DHRS7: variants seen among roughly 807,000 people sequenced by gnomAD.
DHRS7 encodes the protein dehydrogenase/reductase 7.
Under a neutral mutation model 38.9 loss-of-function variants are expected in DHRS7, and 34 were observed. The ratio of observed to expected loss-of-function variants is 0.87; its 90% CI spans 0.66 to 1.16. The LOEUF is 1.16. Ranked by LOEUF, DHRS7 falls within the 50% of genes most tolerant of loss-of-function variation. DHRS7 has a pLI of 0.00. For synonymous variants in DHRS7, 158 were observed against 153.1 expected (o/e 1.03, Z -0.24); for missense variants, 421 against 407.0 (o/e 1.03, Z -0.30).
At chr14:60,166,171 A>G, upstream of DHRS7, 1 of 959,326 alleles carries the variant, frequency 1.0e-6, no homozygotes. Context: ...ATGACCTTCA[A>G]AACATTTAAT....
rs377273628 is a variant in DHRS7, at chr14:60,165,140, G to T, written c.133+37C>A. On this transcript the variant is annotated intron_variant, in intron 1 of 6. Transcript: ENST00000557185. The surrounding 1 kb of genome is among the most constrained non-coding windows in gnomAD (Gnocchi z 4.6). ...GACACGCCTCGGCAGCTCCGAGCCC[G>T]GCCTCCCACTCGGGAGAGGCTTTGG... The T allele has an allele frequency of 2.5e-6, 4 of 1,607,488 alleles. No individual in the cohort carries two copies. Among genetic ancestry groups the T allele is most frequent in the African/African-American group, 1.3e-5 (1 of 74,820 alleles).
Position 60,153,879 on chromosome 14 carries a change from TTGTA to T in DHRS7, c.393+76_393+79del. The T allele has an allele frequency of 7.5e-7, 1 of 1,340,914 alleles. No homozygotes were observed. The highest frequency in any genetic ancestry group is 1.1e-6 in the Non-Finnish European group (1 of 936,130). 83.1% of individuals were successfully genotyped at this position (1,340,914 alleles called of 1,614,324 possible). On this transcript the variant is annotated intron_variant, in intron 3 of 6. Transcript: ENST00000557185. This position sits in a 1 kb window ranked among gnomAD's most constrained non-coding sequence, Gnocchi z 4.4. ...ATGGACCCCACTTGCCTAAAGCCCT[TTGTA>T]TGACAGCACCACGGATGGGAATCTC... is the stretch of plus-strand genomic sequence containing the variant.
Position 60,153,161 on chromosome 14 carries a change from GT to G in DHRS7, c.410del (p.Asn137ThrfsTer22). The G allele has an allele frequency of 6.2e-7, 1 of 1,614,092 alleles. No individual in the cohort carries two copies. Among genetic ancestry groups the G allele is most frequent in the Middle Eastern group, 1.6e-4 (1 of 6,062 alleles). On this transcript the variant is annotated frameshift_variant, in exon 4 of 7. Transcript: ENST00000557185. LOFTEE classifies it high-confidence loss of function. The surrounding 1 kb of genome is among the most constrained non-coding windows in gnomAD (Gnocchi z 4.4). Reference sequence around the variant, plus strand: ...GAGAACGCTGGGACATTCCACCATTGTTGACCAGAATGTCGATCTAGTTAAA... The same window carrying G: ...GAGAACGCTGGGACATTCCACCATTGTGACCAGAATGTCGATCTAGTTAAA... Reference protein sequence around the residue: ...QEFGRIDILVNNGGMSQRSLC... With the variant: ...QEFGRIDILVXNGGMSQRSLC...
upstream of DHRS7, chr14:60,168,836 C>T: frequency 6.9e-7 from 1 of 1,447,950 alleles, no homozygotes; most frequent in Non-Finnish European, 9.3e-7. Flanking sequence ...TTTCACTCTT[C>T]ATAAACCAAA....
chr14:60,165,359 G>A lies in DHRS7; in HGVS notation c.-50C>T, dbSNP rs1241771431. On this transcript the variant is annotated 5_prime_UTR_variant, in exon 1 of 7. Coordinates refer to ENST00000557185, the MANE Select transcript of DHRS7 (RefSeq NM_016029.4). The surrounding 1 kb of genome is among the most constrained non-coding windows in gnomAD (Gnocchi z 4.6). The stretch of plus-strand genomic sequence containing the variant: ...GGGGAAGAAGACGGCCCGCACCAGA[G>A]TCGCGTCGCTGCCCTGCGGGATCGC... 6.5e-7 allele frequency: 1 copy of A among 1,540,454 alleles called. No individual in the cohort carries two copies. Among genetic ancestry groups the A allele is most frequent in the Admixed American group, 1.9e-5 (1 of 51,692 alleles).
At chr14:60,147,145 A>C (rs1445116094) in intron 6 of DHRS7, 1 of 152,050 alleles carries the variant, frequency 6.6e-6, no homozygotes, top group East Asian at 1.9e-4. Flanking sequence ...GGGTGGGAGG[A>C]TTGCTTGAGC....
intron 2 of DHRS7, among the ~76,000 whole-genome samples, chr14:60,154,804 G>T (rs142843764): frequency 2.0e-5 from 3 of 152,318 alleles, no homozygotes; most frequent in Admixed American, 6.5e-5. Flanking sequence ...AAACAGCCTT[G>T]TGCCAGGTAA....
At chr14:60,168,492 G>C (rs1439184694), upstream of DHRS7, among the ~76,000 whole-genome samples, 2 of 152,144 alleles carry the variant, frequency 1.3e-5, no homozygotes, top group African/African-American at 4.8e-5. Flanking sequence ...CTAAAATTAT[G>C]TAAAATTTAC....
chr14:60,165,266 A>T lies in DHRS7; in HGVS notation c.44T>A (p.Leu15Gln). The T allele has an allele frequency of 6.2e-7, 1 of 1,603,688 alleles. No homozygotes were observed. The highest frequency in any genetic ancestry group is 2.2e-5 in the East Asian group (1 of 44,576). ...LLLWLLVLCALLLLLVQLLRF... is the reference protein window; with the variant it reads ...LLLWLLVLCAQLLLLVQLLRF... ...CAGCAGCTGCACCAAGAGCAGGAGC[A>T]GCGCGCACAGCACCAGCAGCCACAG... Residue 15 changes from leucine to glutamine, a missense_variant, in exon 1 of 7, where the codon CTG becomes CAG. By Grantham distance (113) the Leu-to-Gln change is moderately radical. Coordinates refer to ENST00000557185, the MANE Select transcript of DHRS7 (RefSeq NM_016029.4). The surrounding 1 kb of genome is among the most constrained non-coding windows in gnomAD (Gnocchi z 4.6).
intron 1 of DHRS7, among the ~76,000 whole-genome samples, chr14:60,157,653 A>G (rs1896684749): frequency 6.6e-6 from 1 of 152,200 alleles, no homozygotes; most frequent in Non-Finnish European, 1.5e-5. Flanking sequence ...CCACTAGACC[A>G]TAGATTCCAT....
In DHRS7 at chr14:60,154,027, G is replaced by A. The variant is rs375832095; in HGVS notation, c.325C>T (p.Pro109Ser). Residue 109 changes from proline to serine, a missense_variant, in exon 3 of 7, where the codon CCC becomes TCC. Pro to Ser is a moderately conservative substitution (Grantham distance 74). Coordinates refer to ENST00000557185, the MANE Select transcript of DHRS7 (RefSeq NM_016029.4). ...NLKEKDILVL[P>S]LDLTDTGSHE... is the part of the protein sequence containing the mutation. The stretch of plus-strand genomic sequence containing the variant: ...GAACCAGTGTCGGTCAGGTCAAGGG[G>A]CAAAACAAGTATATCTTTTTCTTTT... 8.7e-6 allele frequency: 14 copies of A among 1,613,988 alleles called. No individual in the cohort carries two copies. The highest frequency in any genetic ancestry group is 1.0e-5 in the Non-Finnish European group (12 of 1,179,912).
At chr14:60,147,659 A>C (rs990277539) in intron 6 of DHRS7, 7 of 152,204 alleles carry the variant, frequency 4.6e-5, no homozygotes, top group Non-Finnish European at 1.0e-4. Context: ...AAATTCATGT[A>C]ATTCCCATAA....
intron 1 of DHRS7, among the ~76,000 whole-genome samples, chr14:60,164,460 T>G (rs1023769426): frequency 7.2e-5 from 11 of 152,278 alleles, no homozygotes; most frequent in African/African-American, 2.6e-4. Flanking sequence ...AAAATAAGAT[T>G]AATAATGCCT....
chr14:60,164,378 A>T (rs1210360489), intron 1 of DHRS7, among the ~76,000 whole-genome samples: 1 of 152,040 alleles, frequency 6.6e-6, no homozygotes, highest in Non-Finnish European at 1.5e-5. Context: ...CATTTCCCCA[A>T]GTCCTTAAGG....
intron 1 of DHRS7, among the ~76,000 whole-genome samples, chr14:60,163,641 CT>C (rs953048093): frequency 3.9e-5 from 6 of 152,130 alleles, no homozygotes; most frequent in African/African-American, 1.4e-4. Context: ...TTTCAATGAT[CT>C]TAACTTTTAA....
At chr14:60,151,037 A>G (rs1191504591) in intron 4 of DHRS7, among the ~76,000 whole-genome samples, 3 of 152,342 alleles carry the variant, frequency 2.0e-5, no homozygotes, top group Non-Finnish European at 4.4e-5. Flanking sequence ...AAAGTAGTCT[A>G]AAGTGCAAAT....
At chr14:60,168,889 C>G, upstream of DHRS7, 1 of 1,079,560 alleles carries the variant, frequency 9.3e-7, no homozygotes, top group Non-Finnish European at 1.3e-6. Flanking sequence ...AACACTTAGG[C>G]ATTGAAAGTG....
intron 2 of DHRS7, among the ~76,000 whole-genome samples, chr14:60,154,467 C>T (rs1896616783): frequency 6.6e-6 from 1 of 152,050 alleles, no homozygotes; most frequent in South Asian, 2.1e-4. Flanking sequence ...CAGTAAGAAG[C>T]TCAGAGTCCT....
chr14:60,167,561 A>C (rs1896883488), upstream of DHRS7, among the ~76,000 whole-genome samples: 1 of 152,270 alleles, frequency 6.6e-6, no homozygotes, highest in Non-Finnish European at 1.5e-5. Context: ...AGGTCAGCTA[A>C]GATGAAGGCA....
Sources: gnomAD v4.1 joint callset for allele counts (sites outside exome capture counted in the v4.1 genomes callset) on GRCh38, gnomAD v4.1.1 for gene constraint, Gnocchi (gnomAD v3.1) non-coding constraint, MANE v1.5 for transcripts, NCBI Gene and HGNC (gene_info 2026-07-23, HGNC 2026-07-21) for gene names.